Variants in RABGAP1 observed in about 807,000 individuals in gnomAD.
The protein encoded by RABGAP1 is RAB GTPase activating protein 1.
RABGAP1 carries 23 observed loss-of-function variants against 137.6 expected under a neutral mutation model. That is an observed-to-expected ratio of 0.17 (90% confidence interval 0.12 to 0.24). RABGAP1 has a LOEUF of 0.24. RABGAP1 is among the 10% of genes least tolerant of loss of function. RABGAP1 has a pLI of 1.00. For missense variants in RABGAP1, 906 were observed against 1,275.8 expected (o/e 0.71, Z 4.42); for synonymous variants, 451 against 450.7 (o/e 1.00, Z -0.01).
At chr9:123,031,496 T>G (rs1330460399) in intron 13 of RABGAP1, among the ~76,000 whole-genome samples, 4 of 152,286 alleles carry the variant, frequency 2.6e-5, no homozygotes, top group African/African-American at 9.6e-5. Flanking sequence ...TTTTGGATAT[T>G]TAACCAGACA....
chr9:123,048,394 A>G (rs916156245), intron 13 of RABGAP1, among the ~76,000 whole-genome samples: 2 of 152,212 alleles, frequency 1.3e-5, no homozygotes, highest in African/African-American at 4.8e-5. Flanking sequence ...CATTGATTCG[A>G]TTATTTAAAA....
In RABGAP1 at chr9:122,957,175, A is replaced by T; in HGVS notation, c.116A>T (p.Asn39Ile). The change falls in exon 2 of 26, where the codon AAT (asparagine) becomes ATT (isoleucine). Residue 39 changes from asparagine to isoleucine, a missense_variant. Physicochemically the swap from Asn to Ile is moderately radical, Grantham distance 149 (BLOSUM62 -3). Around this residue, in one of 9 missense-constraint regions of RABGAP1, gnomAD observed 331 missense variants for 358.3 expected, o/e 0.92. Transcript: ENST00000373647. ...CAAGGAGATGAGACACCATCTACAA[A>T]TAATGGAAGTGATGATGAGAAAACA... ...SRQGDETPST[N>I]NGSDDEKTGL... 1 of 1,565,930 alleles carries T rather than the reference A, an allele frequency of 6.4e-7. No homozygotes were observed. Among genetic ancestry groups the T allele is most frequent in the Admixed American group, 1.7e-5 (1 of 59,650 alleles).
At chr9:123,056,798 A>G (rs1213013260) in intron 13 of RABGAP1, among the ~76,000 whole-genome samples, 4 of 152,158 alleles carry the variant, frequency 2.6e-5, no homozygotes, top group Admixed American at 6.5e-5. Context: ...GTTGGGGGTA[A>G]GGTCACAGAT....
chr9:123,101,609 A>T lies in RABGAP1; in HGVS notation c.2933A>T (p.Lys978Ile). 2 of 1,614,106 alleles carry T rather than the reference A, an allele frequency of 1.2e-6. No homozygotes were observed. The highest frequency in any genetic ancestry group is 8.5e-7 in the Non-Finnish European group (1 of 1,179,986). ...DCERCREFFN[K>I]EGRVKGISST... ...GAGCGGTGCCGGGAATTTTTCAACA[A>T]AGAAGGGCGTGTAAAAGGCATAAGC... Residue 978 changes from lysine to isoleucine, a missense_variant, in exon 25 of 26, where the codon AAA becomes ATA. Physicochemically the swap from Lys to Ile is moderately radical, Grantham distance 102 (BLOSUM62 -3). Transcript: ENST00000373647.
At chr9:123,013,342 T>TA (rs1313534117) in intron 11 of RABGAP1, among the ~76,000 whole-genome samples, 3 of 151,562 alleles carry the variant, frequency 2.0e-5, no homozygotes, top group African/African-American at 4.8e-5. Flanking sequence ...GCCTTTCTTT[T>TA]TTTTTTTGAG....
chr9:123,057,222 G>A (rs2033752735), intron 13 of RABGAP1, among the ~76,000 whole-genome samples: 1 of 151,468 alleles, frequency 6.6e-6, no homozygotes, highest in African/African-American at 2.4e-5. Context: ...CAGACGGGGT[G>A]GCTGCCGGGC....
chr9:122,991,958 C>A (rs1017549996), intron 6 of RABGAP1, among the ~76,000 whole-genome samples: 4 of 152,044 alleles, frequency 2.6e-5, no homozygotes, highest in Non-Finnish European at 4.4e-5. Context: ...TACCTTCCTG[C>A]CCTGCAAAGT....
At chr9:123,038,956 C>T (rs1185054252) in intron 13 of RABGAP1, among the ~76,000 whole-genome samples, 1 of 152,114 alleles carries the variant, frequency 6.6e-6, no homozygotes, top group Middle Eastern at 3.2e-3. Flanking sequence ...AGTCACTTCT[C>T]TAAATGCTTA....
intron 22 of RABGAP1, 103 bp from the exon 23 acceptor site, chr9:123,098,612 T>G: frequency 1.2e-6 from 1 of 855,632 alleles, no homozygotes; most frequent in Non-Finnish European, 1.8e-6. Flanking sequence ...ACTTCCAGGG[T>G]TTGGTTCAGC....
intron 1 of RABGAP1, among the ~76,000 whole-genome samples, chr9:122,950,377 C>CTTTTTTTTTTTTTTTTTTTTTTTTTGTT (rs200424486): frequency 2.7e-5 from 2 of 74,492 alleles, no homozygotes; most frequent in East Asian, 5.4e-4. Context: ...CTTTTTCTTT[C>CTTTTTTTTTTTTTTTTTTTTTTTTTGTT]TTTTTTTTTT....
In RABGAP1 at chr9:122,998,640, A is replaced by G; in HGVS notation, c.1248A>G (p.Thr416=). The change falls in exon 10 of 26, where the codon ACA becomes ACG. Residue 416 remains threonine (T), a synonymous_variant. Coordinates refer to ENST00000373647, the MANE Select transcript of RABGAP1 (RefSeq NM_012197.4). The part of the protein sequence containing the change: ...FMTTAVDLVI[T]EVQEPVRFLL... ...CCACAGCTGTAGATTTGGTAATAAC[A>G]GAAGTACAGGAGCCTGTTCGATTTC... The G allele has an allele frequency of 1.9e-6, 3 of 1,611,276 alleles. No homozygotes were observed. The highest frequency in any genetic ancestry group is 1.3e-5 in the African/African-American group (1 of 75,028).
chr9:123,035,048 TC>T, intron 13 of RABGAP1: 1 of 1,614,130 alleles, frequency 6.2e-7, no homozygotes. Flanking sequence ...ACCCTGGTCT[TC>T]CTGCCTTCCT....
chr9:122,974,852 C>T (rs1157646621), intron 2 of RABGAP1, among the ~76,000 whole-genome samples: 1 of 152,076 alleles, frequency 6.6e-6, no homozygotes, highest in African/African-American at 2.4e-5. Context: ...GACTGATAAT[C>T]AGAACAGCCA....
intron 20 of RABGAP1, 43 bp from the exon 21 acceptor site, chr9:123,090,232 C>A (rs753198173): frequency 6.8e-7 from 1 of 1,461,144 alleles, no homozygotes. Flanking sequence ...TCATTTCCAT[C>A]TGATTTTTAT....
In RABGAP1 at chr9:122,957,059, T is replaced by C; in HGVS notation, c.-1T>C. ...CATGTGTTGAGACTCATTCTTGAGT[T>C]ATGGATGACAAGGCTTCTGTTGGAA... On this transcript the variant is annotated 5_prime_UTR_variant, in exon 2 of 26. Coordinates refer to ENST00000373647, the MANE Select transcript of RABGAP1 (RefSeq NM_012197.4). 6.6e-7 allele frequency: 1 copy of C among 1,506,372 alleles called. No homozygotes were observed. Among genetic ancestry groups the C allele is most frequent in the Non-Finnish European group, 9.0e-7 (1 of 1,108,978 alleles). 93.3% of individuals were successfully genotyped at this position (1,506,372 alleles called of 1,614,324 possible).
chr9:122,952,384 G>A (rs1375304137), intron 1 of RABGAP1, among the ~76,000 whole-genome samples: 1 of 151,558 alleles, frequency 6.6e-6, no homozygotes, highest in African/African-American at 2.4e-5. Context: ...TCAGCCTCCC[G>A]AGTAGCTGGG....
intron 13 of RABGAP1, among the ~76,000 whole-genome samples, chr9:123,043,637 G>T (rs1368142091): frequency 6.6e-6 from 1 of 151,936 alleles, no homozygotes; most frequent in African/African-American, 2.4e-5. Context: ...GTGTTTGGGG[G>T]GTGAGGGGAA....
At chr9:123,089,674 C>G (rs545545248) in intron 19 of RABGAP1, 84 bp from the exon 20 acceptor site, 8 of 1,045,178 alleles carry the variant, frequency 7.7e-6, no homozygotes, top group Non-Finnish European at 1.1e-5. Context: ...CCCAGGCCAC[C>G]AGAAGTCTTG....
At chr9:122,937,241 G>A (rs1833400133), upstream of RABGAP1, among the ~76,000 whole-genome samples, 1 of 152,214 alleles carries the variant, frequency 6.6e-6, no homozygotes, top group Admixed American at 6.5e-5. Flanking sequence ...TCCCACAGAA[G>A]CCAAGATAGA....
Sources: allele counts gnomAD v4.1 joint callset (sites outside exome capture counted in the v4.1 genomes callset), GRCh38; gene constraint gnomAD v4.1.1; regional missense constraint gnomAD v4.1.1; transcripts MANE v1.5; gene names NCBI Gene and HGNC (gene_info 2026-07-23, HGNC 2026-07-21).